ARHGAP15: variants seen among roughly 807,000 people sequenced by gnomAD.
ARHGAP15 encodes rho GTPase-activating protein 15.
A neutral mutation model predicts 63.7 loss-of-function variants in ARHGAP15; 51 were observed. The ratio of observed to expected loss-of-function variants is 0.80; its 90% CI spans 0.64 to 1.01. The LOEUF is 1.01. Ranked by LOEUF, ARHGAP15 falls within the 50% of genes least tolerant of loss-of-function variation. The pLI, the probability that ARHGAP15 is intolerant of heterozygous loss-of-function variation, is 0.00. For synonymous variants in ARHGAP15, 191 were observed against 193.8 expected, an observed-to-expected ratio of 0.99 and a Z score of 0.12; for missense variants, 560 against 564.6, an observed-to-expected ratio of 0.99 and a Z score of 0.08.
At chr2:143,644,179 G>C (rs1680749956) in intron 12 of ARHGAP15, among the ~76,000 whole-genome samples, 1 of 152,092 alleles carries the variant, frequency 6.6e-6, no homozygotes, top group South Asian at 2.1e-4. Flanking sequence ...AGGTTTGATA[G>C]AGAACGAACA....
intron 6 of ARHGAP15, among the ~76,000 whole-genome samples, chr2:143,397,383 A>G (rs1478696149): frequency 6.6e-6 from 1 of 151,288 alleles, no homozygotes; most frequent in South Asian, 2.1e-4. Context: ...CATGTGATAA[A>G]TGTGTGACTA....
intron 10 of ARHGAP15, among the ~76,000 whole-genome samples, chr2:143,535,491 C>CAT (rs1694713806): frequency 6.6e-6 from 1 of 152,168 alleles, no homozygotes. Flanking sequence ...GAATTTTAGG[C>CAT]ATAAGCAAGG....
chr2:143,406,069 T>C (rs1011716633), intron 6 of ARHGAP15, among the ~76,000 whole-genome samples: 4 of 151,946 alleles, frequency 2.6e-5, no homozygotes, highest in African/African-American at 9.7e-5. Context: ...TTTCATTTTA[T>C]TTCAATTTTC....
chr2:143,181,680 G>C (rs827224), intron 2 of ARHGAP15, among the ~76,000 whole-genome samples: 2 of 152,186 alleles, frequency 1.3e-5, no homozygotes, highest in African/African-American at 4.8e-5. Context: ...GAGGGTTAGG[G>C]CCTTGCCCTC....
chr2:143,343,091 A>G (rs1033755112), intron 6 of ARHGAP15, among the ~76,000 whole-genome samples: 1 of 152,100 alleles, frequency 6.6e-6, no homozygotes, highest in African/African-American at 2.4e-5. Flanking sequence ...GTATTTAGAG[A>G]GTGATGAAGA....
chr2:143,177,860 T>C (rs1013787502), intron 2 of ARHGAP15, among the ~76,000 whole-genome samples: 1 of 152,228 alleles, frequency 6.6e-6, no homozygotes, highest in Admixed American at 6.5e-5. Flanking sequence ...TGAATTTTTC[T>C]TTATTTTAGA....
intron 11 of ARHGAP15, among the ~76,000 whole-genome samples, chr2:143,598,776 C>T (rs1303723990): frequency 2.6e-5 from 4 of 151,966 alleles, no homozygotes; most frequent in African/African-American, 7.3e-5. Context: ...TTTAATTATC[C>T]AGGCATGGTG....
chr2:143,490,637 T>C (rs1692545318), intron 9 of ARHGAP15, among the ~76,000 whole-genome samples: 1 of 152,148 alleles, frequency 6.6e-6, no homozygotes, highest in Non-Finnish European at 1.5e-5. Flanking sequence ...GTTTATTTTT[T>C]TGAGACAGAG....
Position 143,415,779 on chromosome 2 carries a change from G to A in ARHGAP15, c.475-19822G>A, listed in dbSNP as rs1688648932. 2.0e-5 allele frequency among the ~76,000 whole-genome samples: 3 copies of A among 152,126 alleles called. No individual in the cohort carries two copies. The South Asian group carries it at 6.2e-4, about 32-fold the overall frequency. On this transcript the variant is annotated intron_variant, in intron 6 of 13. Transcript: ENST00000295095. ...GAAACTGTGGTATATATATACAATG[G>A]AATACTACTAAGCCATAAAAATGAA...
intron 6 of ARHGAP15, among the ~76,000 whole-genome samples, chr2:143,333,804 A>T (rs1408309129): frequency 3.3e-5 from 5 of 152,226 alleles, no homozygotes; most frequent in African/African-American, 4.8e-5. Flanking sequence ...AACAGGAAAA[A>T]GATGGATACA....
chr2:143,172,369 T>C (rs1247508595), intron 2 of ARHGAP15, among the ~76,000 whole-genome samples: 2 of 152,082 alleles, frequency 1.3e-5, no homozygotes, highest in Non-Finnish European at 2.9e-5. Flanking sequence ...GTTTAGATTT[T>C]ATTATTTGAT....
At chr2:143,250,687 GATGTGCTC>G in intron 6 of ARHGAP15, 87 bp downstream of exon 6, 2 of 1,053,586 alleles carry the variant, frequency 1.9e-6, no homozygotes, top group Non-Finnish European at 2.8e-6. Context: ...ACCTTCTTGT[GATGTGCTC>G]ATGTACATGA....
chr2:143,473,901 C>T (rs747907924), intron 8 of ARHGAP15, among the ~76,000 whole-genome samples: 4 of 152,140 alleles, frequency 2.6e-5, no homozygotes, highest in African/African-American at 4.8e-5. Context: ...AACCCAAAGA[C>T]TTTTCTTTTC....
rs947104006 is a variant in ARHGAP15, at chr2:143,663,672, T to C, written c.1138+39405T>C. Among the ~76,000 whole-genome samples, 83 of 152,138 alleles carry C rather than the reference T, an allele frequency of 5.5e-4. 1 individual carries two copies. Among genetic ancestry groups the C allele is most frequent in the Middle Eastern group, 3.4e-3 (1 of 294 alleles). On this transcript the variant is annotated intron_variant, in intron 12 of 13. Coordinates refer to ENST00000295095, the MANE Select transcript of ARHGAP15 (RefSeq NM_018460.4). ...CAGTGTGCTGTATTCAGGAAACCCATCTCATGTGCAGAGACACATATAGGC... is the reference window on the plus strand; with the variant it reads ...CAGTGTGCTGTATTCAGGAAACCCACCTCATGTGCAGAGACACATATAGGC...
chr2:143,219,944 T>A (rs2105152228), intron 4 of ARHGAP15, among the ~76,000 whole-genome samples: 1 of 152,330 alleles, frequency 6.6e-6, no homozygotes, highest in South Asian at 2.1e-4. Context: ...TTTGGGATAA[T>A]AATGCTTTGT....
At chr2:143,612,570 T>C (rs115038792) in intron 11 of ARHGAP15, among the ~76,000 whole-genome samples, 9,471 of 152,224 alleles carry the variant, frequency 0.062, 417 homozygotes, top group Non-Finnish European at 0.09. Context: ...CCACACATTG[T>C]GTTCATGAGA....
intron 12 of ARHGAP15, among the ~76,000 whole-genome samples, chr2:143,639,562 C>T (rs1680506349): frequency 6.6e-6 from 1 of 152,034 alleles, no homozygotes; most frequent in East Asian, 1.9e-4. Context: ...AAGAAAACAA[C>T]AACAATCAAG....
chr2:143,416,181 C>T (rs1688670282), intron 6 of ARHGAP15, among the ~76,000 whole-genome samples: 1 of 150,790 alleles, frequency 6.6e-6, no homozygotes, highest in African/African-American at 2.4e-5. Context: ...CAGCAAACCA[C>T]CGTGACACAT....
chr2:143,265,429 G>A (rs780893008), intron 6 of ARHGAP15, among the ~76,000 whole-genome samples: 7 of 152,074 alleles, frequency 4.6e-5, no homozygotes, highest in Non-Finnish European at 8.8e-5. Flanking sequence ...TGATTTCTGT[G>A]TTGCTGATGG....
Sources: gnomAD v4.1 joint callset for allele counts (sites outside exome capture counted in the v4.1 genomes callset) on GRCh38, gnomAD v4.1.1 for gene constraint, MANE v1.5 for transcripts, NCBI Gene and HGNC (gene_info 2026-07-23, HGNC 2026-07-21) for gene names.